The following ITCH variants were observed in gnomAD, a reference collection of about 807,000 sequenced individuals.
ITCH encodes the protein itchy E3 ubiquitin protein ligase.
In ITCH, 28 loss-of-function variants were observed where a neutral mutation model predicts 126.8. The ratio of observed to expected loss-of-function variants is 0.22; its 90% CI spans 0.16 to 0.30. ITCH has a LOEUF of 0.30. ITCH is among the 10% of genes least tolerant of loss of function. The pLI is 1.00. For synonymous variants in ITCH, 342 were observed against 340.0 expected (o/e 1.01, Z -0.06); for missense variants, 631 against 1,032.4 (o/e 0.61, Z 5.33).
At chr20:34,488,637 T>A (rs1189342908) in intron 20 of ITCH, among the ~76,000 whole-genome samples, 2 of 151,488 alleles carry the variant, frequency 1.3e-5, no homozygotes, top group Non-Finnish European at 2.9e-5. Context: ...TGACTGAACC[T>A]GGAAGGTGGA....
In ITCH at chr20:34,438,489, A is replaced by C; in HGVS notation, c.537A>C (p.Gly179=). Residue 179 remains glycine (G), a synonymous_variant, in exon 8 of 25, where the codon GGA becomes GGC. Transcript: ENST00000374864. ...SKDETRVSTN[G]SDDPEDAGAG... ...TCTTACCCAGAGTGAGCACAAATGG[A>C]TCAGATGACCCTGAAGATGCAGGAG... The C allele has an allele frequency of 6.2e-7, 1 of 1,613,922 alleles. No homozygotes were observed. Among genetic ancestry groups the C allele is most frequent in the Non-Finnish European group, 8.5e-7 (1 of 1,179,964 alleles).
Position 34,445,365 on chromosome 20 carries a change from A to G in ITCH, c.1044A>G (p.Pro348=). 1 of 1,613,814 alleles carries G rather than the reference A, an allele frequency of 6.2e-7. No individual in the cohort carries two copies. Among genetic ancestry groups the G allele is most frequent in the Non-Finnish European group, 8.5e-7 (1 of 1,179,978 alleles). ...HFTRTTTWQR[P]TLESVRNYEQ... ...CAAGAACAACAACGTGGCAGAGGCC[A>G]ACACTGGAATCCGTCCGGAACTATG... is the stretch of plus-strand genomic sequence containing the variant. The change falls in exon 11 of 25, where the codon CCA becomes CCG. Residue 348 remains proline (P), a synonymous_variant. Transcript: ENST00000374864.
At chr20:34,391,596 T>G (rs2038492874) in intron 2 of ITCH, among the ~76,000 whole-genome samples, 1 of 152,222 alleles carries the variant, frequency 6.6e-6, no homozygotes, top group Non-Finnish European at 1.5e-5. Context: ...TTTCTAATTT[T>G]TTTGATATTA....
chr20:34,384,524 C>T (rs2038198821), intron 2 of ITCH, among the ~76,000 whole-genome samples: 1 of 151,976 alleles, frequency 6.6e-6, no homozygotes, highest in African/African-American at 2.4e-5. Context: ...TGTGATCCAC[C>T]CGCCTCAGCT....
intron 12 of ITCH, among the ~76,000 whole-genome samples, chr20:34,454,120 A>G (rs533880492): frequency 2.2e-4 from 34 of 151,518 alleles, no homozygotes; most frequent in Middle Eastern, 3.4e-3. Flanking sequence ...AAGCTGTAAC[A>G]CTGTGGGTGA....
chr20:34,376,729 G>T (rs960717123), intron 2 of ITCH, among the ~76,000 whole-genome samples: 6 of 152,098 alleles, frequency 3.9e-5, no homozygotes, highest in Admixed American at 3.9e-4. Context: ...CCTATTGGCT[G>T]ATAGGATTAA....
At chr20:34,456,880 C>T (rs1029894822) in intron 12 of ITCH, among the ~76,000 whole-genome samples, 9 of 151,056 alleles carry the variant, frequency 6.0e-5, no homozygotes, top group African/African-American at 2.2e-4. Flanking sequence ...CCCCGCCTGG[C>T]ACCTTACTAT....
rs767932104 is a variant in ITCH, at chr20:34,480,586, C to T, written c.1819-13C>T. On this transcript the variant is annotated splice_polypyrimidine_tract_variant and intron_variant, in intron 18 of 24. Coordinates refer to ENST00000374864, the MANE Select transcript of ITCH (RefSeq NM_031483.7). ...ACAGTTATTTTAAGCGGTCTTGTTT[C>T]CTTTTTTCATAGGCTCTGTTCCATG... 6.2e-7 allele frequency: 1 copy of T among 1,613,218 alleles called. No individual in the cohort carries two copies. The highest frequency in any genetic ancestry group is 1.7e-5 in the Admixed American group (1 of 60,004).
intron 23 of ITCH, among the ~76,000 whole-genome samples, chr20:34,502,125 G>C (rs1990286480): frequency 6.6e-6 from 1 of 152,184 alleles, no homozygotes; most frequent in Non-Finnish European, 1.5e-5. Flanking sequence ...CAGTGTCAGA[G>C]TTTTTAATAT....
At chr20:34,419,212 GTTA>G (rs1488413226) in intron 6 of ITCH, among the ~76,000 whole-genome samples, 2 of 152,114 alleles carry the variant, frequency 1.3e-5, no homozygotes, top group Non-Finnish European at 2.9e-5. Context: ...AAAGCCCGTT[GTTA>G]TATATTCTCA....
chr20:34,452,131 A>G (rs1476121579), intron 12 of ITCH, among the ~76,000 whole-genome samples: 2 of 151,830 alleles, frequency 1.3e-5, no homozygotes, highest in African/African-American at 4.8e-5. Context: ...GGTTATGGTC[A>G]GAAACAAAAC....
intron 3 of ITCH, among the ~76,000 whole-genome samples, chr20:34,397,989 T>C (rs1568890305): frequency 6.6e-6 from 1 of 152,012 alleles, no homozygotes; most frequent in Non-Finnish European, 1.5e-5. Flanking sequence ...ATCATCGTTA[T>C]TGAATTTTTT....
At chr20:34,472,921 A>G (rs1216802954) in intron 16 of ITCH, among the ~76,000 whole-genome samples, 2 of 152,180 alleles carry the variant, frequency 1.3e-5, no homozygotes, top group Non-Finnish European at 2.9e-5. Context: ...ACTCTGTTGG[A>G]CGAGTTTCTT....
At chr20:34,464,178 C>T (rs1286395054) in intron 14 of ITCH, among the ~76,000 whole-genome samples, 6 of 149,118 alleles carry the variant, frequency 4.0e-5, no homozygotes, top group African/African-American at 9.9e-5. Context: ...TTAATAGAGA[C>T]GGGGTTTCAC....
At chr20:34,421,836 C>T (rs1236991442) in intron 6 of ITCH, among the ~76,000 whole-genome samples, 1 of 151,966 alleles carries the variant, frequency 6.6e-6, no homozygotes, top group East Asian at 1.9e-4. Context: ...GGTGAGACTC[C>T]ATGTATTCAA....
rs368650264 is a variant in ITCH, at chr20:34,477,870, A to C, written c.1658+10A>C. 1 of 1,613,192 alleles carries C rather than the reference A, an allele frequency of 6.2e-7. No individual in the cohort carries two copies. Among genetic ancestry groups the C allele is most frequent in the African/African-American group, 1.3e-5 (1 of 74,908 alleles). ...ATGGAGGTGTAGCAAGGTAGTGATA[A>C]TATGAATACTCAGAACTTAGTTCCT... On this transcript the variant is annotated intron_variant, in intron 17 of 24. Transcript: ENST00000374864.
At chr20:34,504,685 C>CT (rs1569013945) in intron 24 of ITCH, among the ~76,000 whole-genome samples, 2 of 152,090 alleles carry the variant, frequency 1.3e-5, no homozygotes, top group Non-Finnish European at 2.9e-5. Context: ...GACCTACTTT[C>CT]TAACATCATG....
intron 2 of ITCH, among the ~76,000 whole-genome samples, chr20:34,379,681 G>A (rs2037978430): frequency 1.4e-5 from 2 of 144,164 alleles, no homozygotes; most frequent in East Asian, 2.1e-4. Flanking sequence ...TGCAACCTCC[G>A]CCTCCTGGGT....
chr20:34,424,959 C>G (rs1480871999), intron 7 of ITCH, among the ~76,000 whole-genome samples: 1 of 152,172 alleles, frequency 6.6e-6, no homozygotes, highest in Non-Finnish European at 1.5e-5. Context: ...CCAGGTTTAG[C>G]ACTTTCATGT....
Sources: allele counts gnomAD v4.1 joint callset (sites outside exome capture counted in the v4.1 genomes callset), GRCh38; gene constraint gnomAD v4.1.1; transcripts MANE v1.5; gene names NCBI Gene and HGNC (gene_info 2026-07-23, HGNC 2026-07-21).